Variants in NEGR1 observed in about 807,000 individuals in gnomAD.
NEGR1 encodes neuronal growth regulator 1.
In NEGR1, 10 loss-of-function variants were observed where a neutral mutation model predicts 40.9. That is an observed-to-expected ratio of 0.24 (90% CI 0.15 to 0.42). The LOEUF is 0.42. Ranked by LOEUF, NEGR1 falls within the 10% of genes least tolerant of loss-of-function variation. The pLI, the probability that NEGR1 is intolerant of heterozygous loss-of-function variation, is 1.00. For missense variants in NEGR1, 352 were observed against 438.9 expected, an observed-to-expected ratio of 0.80 and a Z score of 1.77; for synonymous variants, 185 against 166.8, an observed-to-expected ratio of 1.11 and a Z score of -0.84.
intron 2 of NEGR1, among the ~76,000 whole-genome samples, chr1:71,804,104 G>C (rs1657664309): frequency 6.6e-6 from 1 of 152,008 alleles, no homozygotes; most frequent in South Asian, 2.1e-4. Flanking sequence ...GAGGAATCAG[G>C]AGTCTAGTAT....
At chr1:71,492,954 TC>T (rs1295662961) in intron 6 of NEGR1, among the ~76,000 whole-genome samples, 3 of 152,302 alleles carry the variant, frequency 2.0e-5, no homozygotes, top group East Asian at 3.9e-4. Flanking sequence ...AAAATTGTTC[TC>T]CATTGTGATG....
chr1:72,002,040 A>T (rs187805861), intron 1 of NEGR1, among the ~76,000 whole-genome samples: 314 of 152,208 alleles, frequency 2.1e-3, no homozygotes, highest in Non-Finnish European at 3.8e-3. Flanking sequence ...TTTTAATAAA[A>T]TTCTAGTCAT....
Position 71,494,389 on chromosome 1 carries a change from C to T in NEGR1, c.941-86819G>A, listed in dbSNP as rs975428739. Among the ~76,000 whole-genome samples, 5 of 152,270 alleles carry T rather than the reference C, an allele frequency of 3.3e-5. No homozygotes were observed. The South Asian group carries it at 8.3e-4, about 25-fold the overall frequency. On this transcript the variant is annotated intron_variant, in intron 6 of 6. Coordinates refer to ENST00000357731, the MANE Select transcript of NEGR1 (RefSeq NM_173808.3). ...TGATTGGCAAACTCTGTGTGTATTG[C>T]CACACATTGTGGCAAGGAGGAGATA...
At chr1:71,964,741 A>G (rs1318125423) in intron 1 of NEGR1, among the ~76,000 whole-genome samples, 1 of 152,188 alleles carries the variant, frequency 6.6e-6, no homozygotes, top group African/African-American at 2.4e-5. Flanking sequence ...CAATGAACAC[A>G]TAGCTACACC....
intron 1 of NEGR1, among the ~76,000 whole-genome samples, chr1:72,014,382 A>G (rs1646689873): frequency 6.6e-6 from 1 of 152,046 alleles, no homozygotes; most frequent in Non-Finnish European, 1.5e-5. Context: ...CAACAGCTGT[A>G]TTTTTAGACA....
At chr1:72,176,653 T>C (rs1301617758) in intron 1 of NEGR1, among the ~76,000 whole-genome samples, 1 of 151,976 alleles carries the variant, frequency 6.6e-6, no homozygotes, top group Non-Finnish European at 1.5e-5. Context: ...CAGCCTGGAA[T>C]TGTATGAGGG....
chr1:71,783,499 T>C (rs1161710958), intron 2 of NEGR1, among the ~76,000 whole-genome samples: 2 of 152,140 alleles, frequency 1.3e-5, no homozygotes, highest in African/African-American at 2.4e-5. Context: ...GTTTATGGCA[T>C]TTCAGAGATT....
rs151207140 is a variant in NEGR1 at position 71,785,292 on chromosome 1, G to T, written c.410-8995C>A. ...TCAGTCTCTTCCTTAGTAGAAAATG[G>T]TCACAAAATAGATAGGAAGAACACC... On this transcript the variant is annotated intron_variant, in intron 2 of 6. Coordinates refer to ENST00000357731, the MANE Select transcript of NEGR1 (RefSeq NM_173808.3). 5.7e-3 allele frequency among the ~76,000 whole-genome samples: 869 copies of T among 152,224 alleles called. 7 individuals are homozygous for T. The highest frequency in any genetic ancestry group is 0.02 in the African/African-American group (821 of 41,538).
At chr1:71,468,769 C>T (rs1181758208) in intron 6 of NEGR1, 1 of 152,000 alleles carries the variant, frequency 6.6e-6, no homozygotes, top group African/African-American at 2.4e-5. Flanking sequence ...ATAAAAACTA[C>T]CCAGCCTTTT....
chr1:71,561,873 A>C lies in NEGR1; in HGVS notation c.940+30944T>G, dbSNP rs187232958. 3.3e-4 allele frequency among the ~76,000 whole-genome samples: 50 copies of C among 150,422 alleles called. No homozygotes were observed. The South Asian group carries it at 5.0e-3, about 15-fold the overall frequency. On this transcript the variant is annotated intron_variant, in intron 6 of 6. Transcript: ENST00000357731. ...TTCTTTCATGAATATGCATAAATAT[A>C]GCATTCATGAATCACTGAGATGTAG...
chr1:72,205,509 T>C (rs1006314531), intron 1 of NEGR1, among the ~76,000 whole-genome samples: 23 of 151,240 alleles, frequency 1.5e-4, no homozygotes, highest in African/African-American at 5.1e-4. Context: ...AAACTTGTTA[T>C]AGTCTTCTAA....
At chr1:71,573,495 T>A (rs1648870017) in intron 6 of NEGR1, 1 of 152,232 alleles carries the variant, frequency 6.6e-6, no homozygotes, top group Admixed American at 6.5e-5. Flanking sequence ...GAATGGCTGA[T>A]CCTACAGACT....
At chr1:71,813,980 T>G (rs1658102937) in intron 2 of NEGR1, among the ~76,000 whole-genome samples, 1 of 152,106 alleles carries the variant, frequency 6.6e-6, no homozygotes, top group Admixed American at 6.6e-5. Context: ...GGTGGAGTGG[T>G]GAGAGATGAC....
At chr1:71,919,075 A>T (rs1019464670) in intron 2 of NEGR1, among the ~76,000 whole-genome samples, 2 of 152,138 alleles carry the variant, frequency 1.3e-5, no homozygotes, top group African/African-American at 4.8e-5. Context: ...TTGAATGAAT[A>T]CCTCCACCTC....
chr1:71,994,131 T>TAC (rs1222492020), intron 1 of NEGR1, among the ~76,000 whole-genome samples: 5 of 152,190 alleles, frequency 3.3e-5, no homozygotes, highest in Non-Finnish European at 7.3e-5. Flanking sequence ...AAATGTCAAT[T>TAC]ACTTCCCAAA....
intron 6 of NEGR1, among the ~76,000 whole-genome samples, chr1:71,470,002 C>G (rs1250554862): frequency 6.6e-6 from 1 of 152,014 alleles, no homozygotes; most frequent in African/African-American, 2.4e-5. Flanking sequence ...TTTAGTCTTC[C>G]TACTCTCAGA....
At chr1:71,580,661 T>C (rs1023477857) in intron 6 of NEGR1, among the ~76,000 whole-genome samples, 2 of 152,088 alleles carry the variant, frequency 1.3e-5, no homozygotes, top group African/African-American at 4.8e-5. Context: ...ACTGAAGTTA[T>C]ATAAGAGGAT....
At chr1:71,668,620 CT>C (rs1229040863) in intron 4 of NEGR1, among the ~76,000 whole-genome samples, 5 of 152,092 alleles carry the variant, frequency 3.3e-5, no homozygotes, top group African/African-American at 1.2e-4. Context: ...CTTATATTCA[CT>C]TTATCTTGGG....
chr1:71,908,064 C>T (rs549166583), intron 2 of NEGR1, among the ~76,000 whole-genome samples: 1 of 152,180 alleles, frequency 6.6e-6, no homozygotes, highest in African/African-American at 2.4e-5. Context: ...ATGCTTACTA[C>T]CTGGCTGACA....
Sources: allele counts gnomAD v4.1 joint callset (sites outside exome capture counted in the v4.1 genomes callset), GRCh38; gene constraint gnomAD v4.1.1; transcripts MANE v1.5; gene names NCBI Gene and HGNC (gene_info 2026-07-23, HGNC 2026-07-21).